Variants in FAM153A observed in about 807,000 individuals in gnomAD.
FAM153A encodes the protein protein FAM153A.
A neutral mutation model predicts 48.1 loss-of-function variants in FAM153A; 12 were observed. The ratio of observed to expected loss-of-function variants is 0.25; its 90% CI spans 0.16 to 0.40. FAM153A has a LOEUF of 0.40. FAM153A is among the 10% of genes least tolerant of loss of function. The probability of loss-of-function intolerance (pLI) is 1.00; values close to 1 mark genes in which losing one functional copy is unlikely to be tolerated. For synonymous variants in FAM153A, 36 were observed against 118.2 expected (o/e 0.30, Z 4.51); for missense variants, 111 against 345.8 (o/e 0.32, Z 5.38).
chr5:177,753,940 C>T (rs1767376963), upstream of FAM153A, among the ~76,000 whole-genome samples: 1 of 151,922 alleles, frequency 6.6e-6, no homozygotes, highest in African/African-American at 2.4e-5. Context: ...TTCTGCATTT[C>T]CAACTGAGGT....
At chr5:177,753,313 C>A (rs1281988748), upstream of FAM153A, 1 of 972,972 alleles carries the variant, frequency 1.0e-6, no homozygotes, top group Non-Finnish European at 1.5e-6. Flanking sequence ...ACCTCAGCAA[C>A]AGGTCACAGT....
At chr5:177,709,162 A>G (rs188921541), downstream of FAM153A, among the ~76,000 whole-genome samples, 1 of 143,156 alleles carries the variant, frequency 7.0e-6, no homozygotes, top group Non-Finnish European at 1.5e-5. Context: ...GTCACTCAAG[A>G]GCATCTCACA....
At position 177,758,508 on chromosome 5, in the gene FAM153A, G is replaced by A. The variant is rs934456859; in HGVS notation, c.-56-9809C>T. 1.7e-3 allele frequency among the ~76,000 whole-genome samples: 232 copies of A among 137,396 alleles called. 5 individuals carry two copies. Among genetic ancestry groups the A allele is most frequent in the Middle Eastern group, 7.6e-3 (2 of 264 alleles). 90.1% of individuals were successfully genotyped at this position (137,396 alleles called of 152,430 possible). A position where few individuals can be genotyped will look rare whatever the true frequency, so the allele number is the denominator to read the frequency against. Reference sequence around the variant, plus strand: ...TTCATATGGAACCAAAAAAGAGCCCGCATCGCCAAGTCAATCCTAAGCCAA... The same window carrying A: ...TTCATATGGAACCAAAAAAGAGCCCACATCGCCAAGTCAATCCTAAGCCAA... On this transcript the variant is annotated intron_variant, in intron 1 of 8. Coordinates refer to the FAM153A transcript ENST00000393518.
rs766109841 is a variant in FAM153A, at chr5:177,739,112, C to A, written c.562+1G>T. The A allele has an allele frequency of 6.2e-7, 1 of 1,612,938 alleles. No homozygotes were observed. Among genetic ancestry groups the A allele is most frequent in the Non-Finnish European group, 8.5e-7 (1 of 1,179,974 alleles). ...CAAAAAGGTGATCCCAGAATACATACCGTTGGTTTGGGTGCCTGCGTCTGC... is the reference window on the plus strand; with the variant it reads ...CAAAAAGGTGATCCCAGAATACATAACGTTGGTTTGGGTGCCTGCGTCTGC... On this transcript the variant is annotated splice_donor_variant, in intron 10 of 20. Transcript: ENST00000614127. LOFTEE classifies it high-confidence loss of function.
intron 10 of FAM153A, among the ~76,000 whole-genome samples, chr5:177,738,037 C>G (rs954140901): frequency 2.6e-5 from 4 of 151,468 alleles, no homozygotes; most frequent in African/African-American, 9.8e-5. Context: ...GCCACGGGAC[C>G]TGCTGCTGCT....
At chr5:177,698,338 T>C in the FAM153A span, among the ~76,000 whole-genome samples, 2 of 152,002 alleles carry the variant, frequency 1.3e-5, no homozygotes, top group African/African-American at 2.4e-5. Flanking sequence ...TTCTTCATTC[T>C]TAATACCTCA....
At chr5:177,754,993 C>A (rs530011367), upstream of FAM153A, among the ~76,000 whole-genome samples, 1 of 152,010 alleles carries the variant, frequency 6.6e-6, no homozygotes, top group South Asian at 2.1e-4. Context: ...TGGAGGATGA[C>A]TTTGACGAGT....
upstream of FAM153A, among the ~76,000 whole-genome samples, chr5:177,755,836 C>T (rs928002238): frequency 1.3e-5 from 2 of 149,996 alleles, no homozygotes; most frequent in Non-Finnish European, 3.0e-5. Flanking sequence ...CTAAAGGAAG[C>T]ACTAAATATG....
At chr5:177,719,215 T>C (rs1760568147), downstream of FAM153A, among the ~76,000 whole-genome samples, 1 of 151,422 alleles carries the variant, frequency 6.6e-6, no homozygotes, top group South Asian at 2.1e-4. Context: ...AAAACTGTTA[T>C]AACTTCAGTC....
intron 12 of FAM153A, among the ~76,000 whole-genome samples, chr5:177,735,221 A>C (rs2014603): frequency 0.052 from 7,692 of 147,402 alleles, 704 homozygotes; most frequent in African/African-American, 0.17. Context: ...TTGATCCCTG[A>C]CAAAGTCATT....
At chr5:177,696,250 A>G in the FAM153A span, among the ~76,000 whole-genome samples, 1 of 127,974 alleles carries the variant, frequency 7.8e-6, no homozygotes, top group African/African-American at 3.1e-5. Flanking sequence ...GGCGCTCCTC[A>G]CTTCCCAGAC....
At chr5:177,700,039 T>G in the FAM153A span, among the ~76,000 whole-genome samples, 1 of 152,060 alleles carries the variant, frequency 6.6e-6, no homozygotes, top group African/African-American at 2.4e-5. Context: ...CAGGAATGCA[T>G]GCAGTTTGTC....
chr5:177,710,597 A>G (rs1053345679), downstream of FAM153A, among the ~76,000 whole-genome samples: 7 of 148,726 alleles, frequency 4.7e-5, no homozygotes, highest in African/African-American at 1.8e-4. Context: ...TGTTATTCAA[A>G]TAAATATTTA....
the FAM153A span, among the ~76,000 whole-genome samples, chr5:177,696,975 C>CA: frequency 6.6e-6 from 1 of 151,804 alleles, no homozygotes; most frequent in Non-Finnish European, 1.5e-5. Context: ...TTAATTCCTG[C>CA]AAAAAAGGCA....
At chr5:177,761,235 C>T (rs917141239) in intron 1 of FAM153A, among the ~76,000 whole-genome samples, 29 of 151,758 alleles carry the variant, frequency 1.9e-4, no homozygotes, top group Admixed American at 1.3e-4. Flanking sequence ...CCAGCTTTTG[C>T]GGAGTTCATC....
At chr5:177,725,975 T>C (rs1762391380) in intron 18 of FAM153A, among the ~76,000 whole-genome samples, 1 of 149,894 alleles carries the variant, frequency 6.7e-6, no homozygotes. Context: ...GCCAAAACTG[T>C]GCTCAATCAT....
chr5:177,698,060 G>T, the FAM153A span, among the ~76,000 whole-genome samples: 1 of 151,422 alleles, frequency 6.6e-6, no homozygotes, highest in Non-Finnish European at 1.5e-5. Flanking sequence ...AAGTAAGGCG[G>T]ATGGGCAACT....
chr5:177,725,808 A>G (rs1311669250), intron 18 of FAM153A, among the ~76,000 whole-genome samples: 4 of 151,922 alleles, frequency 2.6e-5, no homozygotes, highest in Non-Finnish European at 5.9e-5. Flanking sequence ...TGCCTACAGC[A>G]ACACAGCAGC....
rs188245879 is a variant in FAM153A at position 177,730,590 on chromosome 5, C to T, written c.862+979G>A. 1.1e-4 allele frequency among the ~76,000 whole-genome samples: 13 copies of T among 121,460 alleles called. 4 individuals are homozygous for T. The East Asian group carries it at 1.5e-3, about 14-fold the overall frequency. The allele number at this position is 121,460 out of a possible 152,430, so 79.7% of individuals were successfully genotyped here. On this transcript the variant is annotated intron_variant, in intron 16 of 20. Coordinates refer to ENST00000614127, the Ensembl canonical transcript of FAM153A. Reference sequence around the variant, plus strand: ...GCTGACCATTGAGACCATCCAATAACGATAGTCTGTGGGATCTGAATAGGT... The same window carrying T: ...GCTGACCATTGAGACCATCCAATAATGATAGTCTGTGGGATCTGAATAGGT...
Sources: gnomAD v4.1 joint callset for allele counts (sites outside exome capture counted in the v4.1 genomes callset) on GRCh38, gnomAD v4.1.1 for gene constraint, MANE v1.5 for transcripts, NCBI Gene and HGNC (gene_info 2026-07-23, HGNC 2026-07-21) for gene names.